Variants in CDK19 observed in about 807,000 individuals in gnomAD.
CDK19 encodes the protein cyclin dependent kinase 19.
A neutral mutation model predicts 68.3 loss-of-function variants in CDK19; 20 were observed. The ratio of observed to expected loss-of-function variants is 0.29; its 90% CI spans 0.21 to 0.43. The LOEUF (loss-of-function observed/expected upper bound fraction) is 0.43, where lower values mean the gene tolerates loss of function less well. Ranked by LOEUF, CDK19 falls within the 20% of genes least tolerant of loss-of-function variation. The pLI is 1.00. For synonymous variants in CDK19, 221 were observed against 222.8 expected, an observed-to-expected ratio of 0.99 and a Z score of 0.07; for missense variants, 339 against 623.5, an observed-to-expected ratio of 0.54 and a Z score of 4.86.
intron 1 of CDK19, among the ~76,000 whole-genome samples, chr6:110,762,965 T>G (rs1278716153): frequency 6.6e-6 from 1 of 152,216 alleles, no homozygotes; most frequent in African/African-American, 2.4e-5. Flanking sequence ...TCACTGGCTA[T>G]CTGCCTTTTC....
intron 2 of CDK19, among the ~76,000 whole-genome samples, chr6:110,717,333 A>G (rs1040770808): frequency 6.6e-6 from 1 of 151,718 alleles, no homozygotes. Flanking sequence ...ACCACTTTAA[A>G]TCTTTTTATG....
chr6:110,724,311 C>T (rs1481497842), intron 2 of CDK19, among the ~76,000 whole-genome samples: 3 of 151,984 alleles, frequency 2.0e-5, no homozygotes, highest in African/African-American at 7.3e-5. Context: ...GCTGAGATCA[C>T]GCCATTGCAC....
At position 110,621,099 on chromosome 6, in the gene CDK19, A is replaced by G. The variant is rs1017649450; in HGVS notation, c.1377+5T>C. 3 of 1,609,438 alleles carry G rather than the reference A, an allele frequency of 1.9e-6. No individual in the cohort carries two copies. The African/African-American group carries it at 4.0e-5, about 22-fold the overall frequency. ...GCATATGAACATTAGACATTCAGGG[A>G]GTACCTGATAATCCGAGGGCATCAC... On this transcript the variant is annotated splice_donor_5th_base_variant and intron_variant, in intron 12 of 12. Coordinates refer to ENST00000368911, the MANE Select transcript of CDK19 (RefSeq NM_015076.5). The surrounding 1 kb of genome is among the most constrained non-coding windows in gnomAD (Gnocchi z 5.4).
chr6:110,719,556 T>A (rs1043100209), intron 2 of CDK19, among the ~76,000 whole-genome samples: 1 of 151,904 alleles, frequency 6.6e-6, no homozygotes, highest in African/African-American at 2.4e-5. Flanking sequence ...AACATATGAA[T>A]AAATACATTC....
chr6:110,811,780 C>T (rs548355853), intron 1 of CDK19, among the ~76,000 whole-genome samples: 60 of 151,972 alleles, frequency 3.9e-4, no homozygotes, highest in African/African-American at 1.4e-3. Flanking sequence ...GCCTGTAATG[C>T]CAGCACTTTG....
At chr6:110,742,727 G>A (rs1777774559) in intron 2 of CDK19, among the ~76,000 whole-genome samples, 1 of 152,104 alleles carries the variant, frequency 6.6e-6, no homozygotes. Context: ...GTACCCTCAG[G>A]CTTACTAGGA....
intron 6 of CDK19, among the ~76,000 whole-genome samples, chr6:110,629,993 T>C (rs1779341796): frequency 6.6e-6 from 1 of 152,292 alleles, no homozygotes; most frequent in Non-Finnish European, 1.5e-5. Context: ...TCCGATTTCA[T>C]TTATTTAAAA....
At chr6:110,622,789 G>A in intron 10 of CDK19, 26 bp downstream of exon 10, 3 of 1,422,964 alleles carry the variant, frequency 2.1e-6, no homozygotes, top group Non-Finnish European at 3.0e-6. Context: ...CTGGAGCAAA[G>A]GACACAGAAA....
intron 2 of CDK19, among the ~76,000 whole-genome samples, chr6:110,680,864 G>GT (rs1189953201): frequency 1.3e-5 from 2 of 152,044 alleles, no homozygotes; most frequent in Non-Finnish European, 2.9e-5. Flanking sequence ...ACGTGTGGTG[G>GT]TATATGCCTG....
chr6:110,701,131 G>A (rs985947432), intron 2 of CDK19, among the ~76,000 whole-genome samples: 4 of 152,196 alleles, frequency 2.6e-5, no homozygotes, highest in Non-Finnish European at 5.9e-5. Flanking sequence ...TAGAACCTGA[G>A]AGGCGGAGGT....
intron 2 of CDK19, among the ~76,000 whole-genome samples, chr6:110,717,373 C>T (rs1357170895): frequency 1.3e-5 from 2 of 151,974 alleles, no homozygotes; most frequent in African/African-American, 4.8e-5. Flanking sequence ...TCAATGAGCC[C>T]TTAGAGCTGT....
chr6:110,802,283 G>A (rs187783240), intron 1 of CDK19, among the ~76,000 whole-genome samples: 106 of 152,130 alleles, frequency 7.0e-4, no homozygotes, highest in African/African-American at 2.5e-3. Context: ...AATCCTCCTG[G>A]GTGTCTATCA....
At chr6:110,631,928 A>G (rs1159136600) in intron 6 of CDK19, 102 bp downstream of exon 6, 3 of 1,111,600 alleles carry the variant, frequency 2.7e-6, no homozygotes, top group Non-Finnish European at 4.0e-6. Flanking sequence ...GACTTTTACA[A>G]AAATGTATAA....
At chr6:110,720,209 ATCCTC>A (rs1775758051) in intron 2 of CDK19, among the ~76,000 whole-genome samples, 1 of 151,964 alleles carries the variant, frequency 6.6e-6, no homozygotes, top group Non-Finnish European at 1.5e-5. Flanking sequence ...TAACCTCATA[ATCCTC>A]TCCTATTTCT....
chr6:110,775,150 C>T (rs1780312358), intron 1 of CDK19, among the ~76,000 whole-genome samples: 2 of 151,744 alleles, frequency 1.3e-5, no homozygotes, highest in Non-Finnish European at 2.9e-5. Flanking sequence ...GAGGCTGAGG[C>T]AGGAAAATTG....
At position 110,815,133 on chromosome 6, in the gene CDK19, C is replaced by A; in HGVS notation, c.4G>T (p.Asp2Tyr). The part of the protein sequence containing the change: M[D>Y]YDFKAKLAAE... ...GCCAGCTTCGCCTTGAAATCATAATCCATTGTCTGCTTCCCCCATAGAGGC... is the reference window on the plus strand; with the variant it reads ...GCCAGCTTCGCCTTGAAATCATAATACATTGTCTGCTTCCCCCATAGAGGC... The change falls in exon 1 of 13, where the codon GAT becomes TAT. Residue 2 changes from aspartate to tyrosine, a missense_variant. Asp to Tyr is a radical substitution (Grantham distance 160, BLOSUM62 -3). Around this residue, in one of 4 missense-constraint regions of CDK19, gnomAD observed 120 missense variants for 224.0 expected, o/e 0.54. Coordinates refer to ENST00000368911, the MANE Select transcript of CDK19 (RefSeq NM_015076.5). 3.1e-6 allele frequency: 5 copies of A among 1,596,324 alleles called. No individual in the cohort carries two copies. The highest frequency in any genetic ancestry group is 4.3e-6 in the Non-Finnish European group (5 of 1,172,866).
chr6:110,649,144 T>C (rs564384985), intron 4 of CDK19, among the ~76,000 whole-genome samples: 13 of 152,308 alleles, frequency 8.5e-5, no homozygotes, highest in Middle Eastern at 3.4e-3. Context: ...TTACAGTCAT[T>C]TCCATCAAAA....
intron 2 of CDK19, among the ~76,000 whole-genome samples, chr6:110,708,008 A>G (rs1026642272): frequency 6.6e-6 from 1 of 152,168 alleles, no homozygotes; most frequent in African/African-American, 2.4e-5. Flanking sequence ...TTACTCTAAT[A>G]TTATAGTATG....
intron 2 of CDK19, among the ~76,000 whole-genome samples, chr6:110,741,645 T>G (rs1454377944): frequency 6.6e-6 from 1 of 151,650 alleles, no homozygotes; most frequent in Non-Finnish European, 1.5e-5. Context: ...AGACAGAATC[T>G]TGAAATCAAC....
Sources: gnomAD v4.1 joint callset for allele counts (sites outside exome capture counted in the v4.1 genomes callset) on GRCh38, gnomAD v4.1.1 for gene constraint, gnomAD v4.1.1 regional missense constraint, Gnocchi (gnomAD v3.1) non-coding constraint, MANE v1.5 for transcripts, NCBI Gene and HGNC (gene_info 2026-07-23, HGNC 2026-07-21) for gene names.